The following GPC5 variants were observed in gnomAD, a reference collection of about 807,000 sequenced individuals.
GPC5 encodes glypican-5.
A neutral mutation model predicts 53.9 loss-of-function variants in GPC5; 47 were observed. The ratio of observed to expected loss-of-function variants is 0.87; its 90% CI spans 0.69 to 1.11. The LOEUF is 1.11. Ranked by LOEUF, GPC5 falls within the 50% of genes most tolerant of loss-of-function variation. The probability of loss-of-function intolerance (pLI) is 0.00; values close to 1 mark genes in which losing one functional copy is unlikely to be tolerated. For missense variants in GPC5, 748 were observed against 713.1 expected, an observed-to-expected ratio of 1.05 and a Z score of -0.56; for synonymous variants, 286 against 263.3, an observed-to-expected ratio of 1.09 and a Z score of -0.84.
At chr13:92,766,387 T>A (rs959266883) in intron 7 of GPC5, among the ~76,000 whole-genome samples, 1 of 150,206 alleles carries the variant, frequency 6.7e-6, no homozygotes, top group Non-Finnish European at 1.5e-5. Flanking sequence ...ATCTCAGAAC[T>A]GATTTTTTCA....
intron 7 of GPC5, among the ~76,000 whole-genome samples, chr13:92,594,712 C>T (rs975292088): frequency 2.0e-5 from 3 of 152,150 alleles, no homozygotes; most frequent in African/African-American, 7.2e-5. Context: ...AGCTAAAGAA[C>T]TCTGTCATGT....
In GPC5 at chr13:91,429,400, G is replaced by A. The variant is rs187196948; in HGVS notation, c.164-19361G>A. Among the ~76,000 whole-genome samples, 942 of 152,272 alleles carry A rather than the reference G, an allele frequency of 6.2e-3. 8 individuals carry two copies. Among genetic ancestry groups the A allele is most frequent in the African/African-American group, 0.021 (879 of 41,554 alleles). On this transcript the variant is annotated intron_variant, in intron 1 of 7. Coordinates refer to ENST00000377067, the MANE Select transcript of GPC5 (RefSeq NM_004466.6). ...CCCAAGAAGGTGACAGTTTAGAGGA[G>A]AGAAGGAGATAGGAAATAAAATTAT...
intron 3 of GPC5, among the ~76,000 whole-genome samples, chr13:91,706,241 G>T (rs2036103401): frequency 1.3e-5 from 2 of 151,382 alleles, no homozygotes; most frequent in Admixed American, 1.3e-4. Flanking sequence ...ACCATACTAA[G>T]ATCTGTAAAG....
chr13:91,997,361 A>G lies in GPC5; in HGVS notation c.1401+89304A>G, dbSNP rs2040512999. 2.6e-5 allele frequency among the ~76,000 whole-genome samples: 4 copies of G among 152,288 alleles called. No individual in the cohort carries two copies. In the South Asian group the frequency reaches 8.3e-4, roughly 32 times the overall value. On this transcript the variant is annotated intron_variant, in intron 6 of 7. Coordinates refer to ENST00000377067, the MANE Select transcript of GPC5 (RefSeq NM_004466.6). ...ATGTAATTCTTCTTTTGTACCATCC[A>G]TCTTCAACCCTAAAGCTTATTTTCC...
At chr13:92,208,771 C>T (rs1396398815) in intron 7 of GPC5, among the ~76,000 whole-genome samples, 2 of 152,144 alleles carry the variant, frequency 1.3e-5, no homozygotes, top group Non-Finnish European at 2.9e-5. Flanking sequence ...ATTCACATAT[C>T]TTTTTCAATA....
intron 6 of GPC5, among the ~76,000 whole-genome samples, chr13:91,917,563 C>A (rs1444146343): frequency 1.3e-5 from 2 of 152,172 alleles, no homozygotes; most frequent in African/African-American, 4.8e-5. Context: ...GGGGTTCAAC[C>A]CCACATTTCC....
chr13:92,413,868 C>T (rs1241704657), intron 7 of GPC5, among the ~76,000 whole-genome samples: 2 of 152,130 alleles, frequency 1.3e-5, no homozygotes, highest in African/African-American at 4.8e-5. Context: ...CTTAGGGCTC[C>T]TCACTTTTAA....
chr13:92,530,225 A>C (rs1881508099), intron 7 of GPC5, among the ~76,000 whole-genome samples: 1 of 152,044 alleles, frequency 6.6e-6, no homozygotes, highest in Non-Finnish European at 1.5e-5. Flanking sequence ...TAATAAACAC[A>C]CAATGAAATC....
chr13:91,643,134 G>A (rs565997031), intron 2 of GPC5, among the ~76,000 whole-genome samples: 1 of 152,204 alleles, frequency 6.6e-6, no homozygotes, highest in African/African-American at 2.4e-5. Flanking sequence ...TCAGTGATAA[G>A]GTTTTGTAAT....
At chr13:91,501,976 T>C (rs757516369) in intron 2 of GPC5, among the ~76,000 whole-genome samples, 5 of 152,260 alleles carry the variant, frequency 3.3e-5, no homozygotes, top group African/African-American at 7.2e-5. Context: ...TGGTTTTGAT[T>C]TGCATTTCTC....
At chr13:91,785,624 C>T (rs61967083) in intron 5 of GPC5, among the ~76,000 whole-genome samples, 15,630 of 152,204 alleles carry the variant, frequency 0.1, 895 homozygotes, top group Non-Finnish European at 0.13. Flanking sequence ...ATGTTCAAAA[C>T]GAAACTGATC....
At chr13:91,986,820 GTA>G (rs146539863) in intron 6 of GPC5, among the ~76,000 whole-genome samples, 2,331 of 152,230 alleles carry the variant, frequency 0.015, 53 homozygotes, top group African/African-American at 0.053. Context: ...AGCCTTCATG[GTA>G]TATGTTAGTA....
At chr13:91,939,280 G>A (rs1287615000) in intron 6 of GPC5, among the ~76,000 whole-genome samples, 1 of 152,034 alleles carries the variant, frequency 6.6e-6, no homozygotes, top group South Asian at 2.1e-4. Flanking sequence ...AGAAATCATA[G>A]AATTTATGAA....
At chr13:91,905,702 T>C (rs1411653582) in intron 5 of GPC5, among the ~76,000 whole-genome samples, 1 of 152,104 alleles carries the variant, frequency 6.6e-6, no homozygotes, top group East Asian at 1.9e-4. Flanking sequence ...AACCTTCTTT[T>C]ATTTTCTTCA....
At chr13:91,419,411 C>T (rs1475633940) in intron 1 of GPC5, among the ~76,000 whole-genome samples, 5 of 152,112 alleles carry the variant, frequency 3.3e-5, no homozygotes, top group Non-Finnish European at 7.4e-5. Context: ...AGCAGAATAA[C>T]GCCTCAACAC....
intron 6 of GPC5, among the ~76,000 whole-genome samples, chr13:92,142,161 C>T (rs887663910): frequency 6.6e-6 from 1 of 152,036 alleles, no homozygotes; most frequent in East Asian, 1.9e-4. Flanking sequence ...CAAACCTGCA[C>T]GTTGTGCACA....
intron 2 of GPC5, among the ~76,000 whole-genome samples, chr13:91,521,692 C>G (rs925294200): frequency 2.0e-5 from 3 of 152,160 alleles, no homozygotes; most frequent in African/African-American, 4.8e-5. Flanking sequence ...TTCCCACCAA[C>G]AAGAAAGCAA....
chr13:92,689,413 G>T (rs1253550655), intron 7 of GPC5, among the ~76,000 whole-genome samples: 2 of 36,218 alleles, frequency 5.5e-5, no homozygotes, highest in Non-Finnish European at 6.1e-5. Context: ...GTTTTCCATT[G>T]GCTTGGTAGA....
chr13:91,798,759 A>T (rs1454041986), intron 5 of GPC5, among the ~76,000 whole-genome samples: 1 of 152,158 alleles, frequency 6.6e-6, no homozygotes, highest in Non-Finnish European at 1.5e-5. Flanking sequence ...GTCAAATGGT[A>T]TTTCTGCCTC....
Sources: gnomAD v4.1 joint callset for allele counts (sites outside exome capture counted in the v4.1 genomes callset) on GRCh38, gnomAD v4.1.1 for gene constraint, MANE v1.5 for transcripts, NCBI Gene and HGNC (gene_info 2026-07-23, HGNC 2026-07-21) for gene names.